Variants in ADGRE3 observed in about 807,000 individuals in gnomAD.
The protein encoded by ADGRE3 is adhesion G protein-coupled receptor E3, also known as EGF-like module receptor 3.
In ADGRE3, 88 loss-of-function variants were observed where a neutral mutation model predicts 80.1. The observed-to-expected ratio is 1.10, with a 90% confidence interval of 0.93 to 1.31. The LOEUF (loss-of-function observed/expected upper bound fraction) is 1.31. Ranked by LOEUF, ADGRE3 falls within the 40% of genes most tolerant of loss-of-function variation. The probability of loss-of-function intolerance (pLI) is 0.00; values close to 1 mark genes in which losing one functional copy is unlikely to be tolerated. For synonymous variants in ADGRE3, 281 were observed against 294.8 expected (o/e 0.95, Z 0.48); for missense variants, 715 against 776.5 (o/e 0.92, Z 0.94).
chr19:14,674,699 G>C (rs762691784), intron 1 of ADGRE3, 47 bp downstream of exon 1: 4 of 1,597,246 alleles, frequency 2.5e-6, no homozygotes, highest in Non-Finnish European at 2.6e-6. Context: ...AGTGGTCCCT[G>C]ACTGGGGGAT....
At chr19:14,662,639 G>C (rs1051141236) in intron 3 of ADGRE3, among the ~76,000 whole-genome samples, 1 of 152,010 alleles carries the variant, frequency 6.6e-6, no homozygotes, top group African/African-American at 2.4e-5. Context: ...ACCTGCCTTG[G>C]CTTCCCAAAG....
intron 11 of ADGRE3, among the ~76,000 whole-genome samples, chr19:14,635,846 T>C (rs1971021975): frequency 6.6e-6 from 1 of 152,196 alleles, no homozygotes; most frequent in Non-Finnish European, 1.5e-5. Flanking sequence ...CTCCTGAATG[T>C]GTATGACTCT....
intron 14 of ADGRE3, among the ~76,000 whole-genome samples, chr19:14,627,379 T>C (rs768836416): frequency 1.3e-5 from 2 of 152,136 alleles, no homozygotes; most frequent in Non-Finnish European, 2.9e-5. Context: ...CTGGGGTAGT[T>C]TCTTTTGTTT....
the ADGRE3 span, among the ~76,000 whole-genome samples, chr19:14,601,461 G>C: frequency 6.6e-6 from 1 of 152,152 alleles, no homozygotes; most frequent in Non-Finnish European, 1.5e-5. Context: ...TACACAATAT[G>C]TATCATCTGT....
chr19:14,633,269 C>A lies in ADGRE3; in HGVS notation c.1518G>T (p.Trp506Cys). 1 of 1,612,558 alleles carries A rather than the reference C, an allele frequency of 6.2e-7. No individual in the cohort carries two copies. The highest frequency in any genetic ancestry group is 1.1e-5 in the South Asian group (1 of 90,816). The change falls in exon 12 of 16, where the codon TGG becomes TGT. Residue 506 changes from tryptophan (W) to cysteine (C), a missense_variant. Transcript: ENST00000253673. The part of the protein sequence containing the change: ...CWLHLDQGFM[W>C]SFLGPVCAIF... Reference sequence around the variant, plus strand: ...TGGCACAGACTGGGCCAAGGAAACTCCACATGAATCCCTGGTCCAGGTGGA... The same window carrying A: ...TGGCACAGACTGGGCCAAGGAAACTACACATGAATCCCTGGTCCAGGTGGA...
chr19:14,660,797 C>T (rs1044648230), intron 4 of ADGRE3, among the ~76,000 whole-genome samples: 7 of 151,958 alleles, frequency 4.6e-5, no homozygotes, highest in African/African-American at 1.7e-4. Flanking sequence ...CACGGGTGCA[C>T]ATGGGGCTCA....
rs1420042318 is a variant in ADGRE3, at chr19:14,663,424, A to G, written c.193T>C (p.Cys65Arg). The change falls in exon 3 of 16, where the codon TGT becomes CGT. Residue 65 changes from cysteine to arginine, a missense_variant. Cys to Arg is a radical substitution (Grantham distance 180). Transcript: ENST00000253673. The part of the protein sequence containing the change: ...QKLFTFPLET[C>R]NDINECTPPY... ...AATAATAATACTTCTTTACCGTTAC[A>G]TGTCTCCAAGGGGAATGTGAATAGT... The G allele has an allele frequency of 1.3e-6, 2 of 1,585,872 alleles. No homozygotes were observed. The highest frequency in any genetic ancestry group is 1.7e-6 in the Non-Finnish European group (2 of 1,161,230).
At chr19:14,605,494 A>G in the ADGRE3 span, among the ~76,000 whole-genome samples, 8 of 152,206 alleles carry the variant, frequency 5.3e-5, no homozygotes, top group Admixed American at 5.2e-4. Context: ...ATGTATGTTC[A>G]GTGAACTTTG....
At chr19:14,642,466 C>T (rs1429904720) in intron 9 of ADGRE3, among the ~76,000 whole-genome samples, 1 of 152,176 alleles carries the variant, frequency 6.6e-6, no homozygotes, top group Non-Finnish European at 1.5e-5. Context: ...GATACATGTG[C>T]AGGTTTGTTA....
At chr19:14,617,340 C>CCCTT (rs1555752251), downstream of ADGRE3, among the ~76,000 whole-genome samples, 132 of 31,104 alleles carry the variant, frequency 4.2e-3, no homozygotes, top group African/African-American at 8.2e-3. Context: ...CTCCCTCCCT[C>CCCTT]CCTTTCTTTC....
At chr19:14,620,564 ATATATTTTTTTTTTTTT>A (rs201431867) in intron 15 of ADGRE3, among the ~76,000 whole-genome samples, 9,247 of 34,298 alleles carry the variant, frequency 0.27, 1,664 homozygotes, top group South Asian at 0.34. Context: ...ATATATATAT[ATATATTTTTTTTTTTTT>A]TTTTTTTTTT....
rs575142608 is a variant in ADGRE3, at chr19:14,628,357, G to T, written c.1812+1682C>A. ...CTCGGGAGGTGGAGGCCGAAGAATC[G>T]CTTGAACCTGGGAGGCAGTTGCAGT... On this transcript the variant is annotated intron_variant, in intron 14 of 15. Transcript: ENST00000253673. Among the ~76,000 whole-genome samples the T allele has an allele frequency of 3.0e-4, 36 of 121,306 alleles. No individual in the cohort carries two copies. In the Admixed American group the frequency reaches 3.0e-3, roughly 10 times the overall value. 79.6% of individuals were successfully genotyped at this position (121,306 alleles called of 152,430 possible). A position where few individuals can be genotyped will look rare whatever the true frequency, so the allele number is the denominator to read the frequency against.
intron 15 of ADGRE3, among the ~76,000 whole-genome samples, chr19:14,621,219 G>A (rs145313483): frequency 2.6e-5 from 4 of 152,036 alleles, no homozygotes; most frequent in African/African-American, 9.7e-5. Context: ...TTGAGAAGCT[G>A]AGGCGGGCGG....
At chr19:14,642,927 T>A (rs950443878) in intron 9 of ADGRE3, among the ~76,000 whole-genome samples, 1 of 152,176 alleles carries the variant, frequency 6.6e-6, no homozygotes, top group African/African-American at 2.4e-5. Flanking sequence ...ATGATTTATA[T>A]TCCTTTGGGT....
the ADGRE3 span, among the ~76,000 whole-genome samples, chr19:14,604,427 C>T: frequency 2.0e-5 from 3 of 152,026 alleles, no homozygotes; most frequent in Admixed American, 6.6e-5. Flanking sequence ...AATGCTATAA[C>T]GACAGAAATA....
chr19:14,606,987 T>C, the ADGRE3 span: 33 of 1,270,090 alleles, frequency 2.6e-5, no homozygotes, highest in Admixed American at 1.2e-3. Context: ...GAATTTTTAT[T>C]TGCAGAATTT....
chr19:14,672,527 C>T (rs1231015570), intron 1 of ADGRE3, among the ~76,000 whole-genome samples: 1 of 151,882 alleles, frequency 6.6e-6, no homozygotes, highest in East Asian at 1.9e-4. Context: ...GGAAGTCCTC[C>T]ACTGATACTG....
the ADGRE3 span, chr19:14,610,380 T>C: frequency 3.9e-6 from 3 of 769,930 alleles, no homozygotes; most frequent in Non-Finnish European, 6.1e-6. Flanking sequence ...AGTGAGGACT[T>C]GGGCTTGCCC....
chr19:14,604,366 AT>A, the ADGRE3 span, among the ~76,000 whole-genome samples: 9 of 150,962 alleles, frequency 6.0e-5, no homozygotes, highest in African/African-American at 1.9e-4. Flanking sequence ...ACCTCCCCAC[AT>A]TTTTTTTTCC....
Sources: allele counts gnomAD v4.1 joint callset (sites outside exome capture counted in the v4.1 genomes callset), GRCh38; gene constraint gnomAD v4.1.1; transcripts MANE v1.5; gene names NCBI Gene and HGNC (gene_info 2026-07-23, HGNC 2026-07-21).